The following BCAS3 variants were observed in gnomAD, a reference collection of about 807,000 sequenced individuals.
The protein encoded by BCAS3 is BCAS3 microtubule associated cell migration factor.
BCAS3 carries 53 observed loss-of-function variants against 116.1 expected under a neutral mutation model. The observed-to-expected ratio is 0.46, with a 90% CI of 0.37 to 0.57. The LOEUF (loss-of-function observed/expected upper bound fraction) is 0.57, where lower values mean the gene tolerates loss of function less well. BCAS3 is among the 20% of genes least tolerant of loss of function. The pLI is 0.00. For synonymous variants in BCAS3, 391 were observed against 408.2 expected, an observed-to-expected ratio of 0.96 and a Z score of 0.51; for missense variants, 917 against 1,165.4, an observed-to-expected ratio of 0.79 and a Z score of 3.10.
chr17:60,800,523 C>G (rs563925695), intron 6 of BCAS3, among the ~76,000 whole-genome samples: 1 of 152,156 alleles, frequency 6.6e-6, no homozygotes, highest in South Asian at 2.1e-4. Flanking sequence ...AGTATTTTTT[C>G]AAGTGTGGAT....
At position 61,276,361 on chromosome 17, in the gene BCAS3, A is replaced by G. The variant is rs2050755852; in HGVS notation, c.2426-91966A>G. Among the ~76,000 whole-genome samples the G allele has an allele frequency of 6.6e-6, 1 of 152,104 alleles. No individual in the cohort carries two copies. The highest frequency in any genetic ancestry group is 1.5e-5 in the Non-Finnish European group (1 of 68,024). Reference sequence around the variant, plus strand: ...GGACGAGACTCCATCTCAAAAACAAACAAACAAACAAACAAAAATCACTTG... The same window carrying G: ...GGACGAGACTCCATCTCAAAAACAAGCAAACAAACAAACAAAAATCACTTG... On this transcript the variant is annotated intron_variant, in intron 22 of 23. Coordinates refer to ENST00000407086, the MANE Select transcript of BCAS3 (RefSeq NM_017679.5). The surrounding 1 kb of genome is among the most constrained non-coding windows in gnomAD (Gnocchi z 4.2).
In BCAS3 at chr17:61,032,111, G is replaced by A. The variant is rs773905216; in HGVS notation, c.1638-2555G>A. ...TTTTCTACTTTTTATTATCATGTTAGAAAGTTTGCCATCTGGCCTGGAAGC... is the reference window on the plus strand; with the variant it reads ...TTTTCTACTTTTTATTATCATGTTAAAAAGTTTGCCATCTGGCCTGGAAGC... On this transcript the variant is annotated intron_variant, in intron 16 of 23. Coordinates refer to ENST00000407086, the MANE Select transcript of BCAS3 (RefSeq NM_017679.5). The surrounding 1 kb of genome is among the most constrained non-coding windows in gnomAD (Gnocchi z 4.6). Among the ~76,000 whole-genome samples, 1 of 152,048 alleles carries A rather than the reference G, an allele frequency of 6.6e-6. No homozygotes were observed. The highest frequency in any genetic ancestry group is 1.9e-4 in the East Asian group (1 of 5,200).
intron 11 of BCAS3, among the ~76,000 whole-genome samples, chr17:60,907,150 T>G (rs994531142): frequency 2.0e-5 from 3 of 152,192 alleles, no homozygotes; most frequent in African/African-American, 7.2e-5. Flanking sequence ...TTGCATAATA[T>G]TTATGCTATT....
chr17:61,220,487 C>T lies in BCAS3; in HGVS notation c.2425+135923C>T, dbSNP rs569269454. ...TGATCTTCAGATTCAACAAAGTAGC[C>T]GAATTCTCAACTAATGACTTAAAAC... On this transcript the variant is annotated intron_variant, in intron 22 of 23. Coordinates refer to ENST00000407086, the MANE Select transcript of BCAS3 (RefSeq NM_017679.5). The surrounding 1 kb of genome is among the most constrained non-coding windows in gnomAD (Gnocchi z 4.5). Among the ~76,000 whole-genome samples the T allele has an allele frequency of 1.4e-4, 22 of 152,078 alleles. No homozygotes were observed. Among genetic ancestry groups the T allele is most frequent in the African/African-American group, 4.1e-4 (17 of 41,472 alleles).
rs2065731168 is a variant in BCAS3 at position 61,019,527 on chromosome 17, A to T, written c.1637+3626A>T. 6.6e-6 allele frequency among the ~76,000 whole-genome samples: 1 copy of T among 152,200 alleles called. No individual in the cohort carries two copies. Among genetic ancestry groups the T allele is most frequent in the African/African-American group, 2.4e-5 (1 of 41,454 alleles). On this transcript the variant is annotated intron_variant, in intron 16 of 23. Coordinates refer to ENST00000407086, the MANE Select transcript of BCAS3 (RefSeq NM_017679.5). This position sits in a 1 kb window ranked among gnomAD's most constrained non-coding sequence, Gnocchi z 5.6. ...AAATTTAACATTTTCACTAAAATAC[A>T]TGTATTTTGCCTTGTCAAAAGTAAT...
chr17:60,788,177 A>G (rs2046445832), intron 6 of BCAS3, among the ~76,000 whole-genome samples: 1 of 152,218 alleles, frequency 6.6e-6, no homozygotes, highest in South Asian at 2.1e-4. Flanking sequence ...TACAATTTTC[A>G]GCAGATGAGT....
chr17:61,057,312 A>G (rs899057563), intron 19 of BCAS3, among the ~76,000 whole-genome samples: 4 of 152,102 alleles, frequency 2.6e-5, no homozygotes, highest in Non-Finnish European at 4.4e-5. Context: ...TTGCACCTCT[A>G]TTTGTCCATC....
chr17:61,215,756 T>A lies in BCAS3; in HGVS notation c.2425+131192T>A, dbSNP rs2081745532. Among the ~76,000 whole-genome samples the A allele has an allele frequency of 6.6e-6, 1 of 152,218 alleles. No individual in the cohort carries two copies. Among genetic ancestry groups the A allele is most frequent in the African/African-American group, 2.4e-5 (1 of 41,452 alleles). Reference sequence around the variant, plus strand: ...TCCATTAAATGTGAACACTAACGTCTCTTAGTGCAGTAGTTCTCAACCTTG... The same window carrying A: ...TCCATTAAATGTGAACACTAACGTCACTTAGTGCAGTAGTTCTCAACCTTG... On this transcript the variant is annotated intron_variant, in intron 22 of 23. Transcript: ENST00000407086. The surrounding 1 kb of genome is among the most constrained non-coding windows in gnomAD (Gnocchi z 4.8).
rs1317820627 is a variant in BCAS3 at position 61,215,779 on chromosome 17, T to C, written c.2425+131215T>C. Among the ~76,000 whole-genome samples, 3 of 152,220 alleles carry C rather than the reference T, an allele frequency of 2.0e-5. No individual in the cohort carries two copies. The highest frequency in any genetic ancestry group is 4.4e-5 in the Non-Finnish European group (3 of 68,040). On this transcript the variant is annotated intron_variant, in intron 22 of 23. Coordinates refer to ENST00000407086, the MANE Select transcript of BCAS3 (RefSeq NM_017679.5). This position sits in a 1 kb window ranked among gnomAD's most constrained non-coding sequence, Gnocchi z 4.8. ...TCTCTTAGTGCAGTAGTTCTCAACCTTGACTATATATTAGAATTCCTTGGA... is the reference window on the plus strand; with the variant it reads ...TCTCTTAGTGCAGTAGTTCTCAACCCTGACTATATATTAGAATTCCTTGGA...
chr17:61,069,250 A>T (rs2071056647), intron 19 of BCAS3, among the ~76,000 whole-genome samples: 1 of 152,112 alleles, frequency 6.6e-6, no homozygotes, highest in African/African-American at 2.4e-5. Flanking sequence ...TAATAAAGCT[A>T]CCCAGCCTGG....
chr17:60,753,132 G>GTA (rs1367193950), intron 6 of BCAS3, among the ~76,000 whole-genome samples: 4 of 152,054 alleles, frequency 2.6e-5, no homozygotes, highest in Admixed American at 6.5e-5. Flanking sequence ...GTGACCCATT[G>GTA]TACCCATATG....
intron 22 of BCAS3, among the ~76,000 whole-genome samples, chr17:61,328,721 G>A (rs1302178694): frequency 6.6e-6 from 1 of 152,064 alleles, no homozygotes; most frequent in Non-Finnish European, 1.5e-5. Context: ...AGCCCTGATT[G>A]TGCTGCTGCA....
At chr17:60,688,731 A>G (rs2034417175) in intron 3 of BCAS3, among the ~76,000 whole-genome samples, 1 of 151,300 alleles carries the variant, frequency 6.6e-6, no homozygotes, top group East Asian at 2.0e-4. Flanking sequence ...CAGGAGAATC[A>G]CTTGAACCCG....
rs569704468 is a variant in BCAS3 at position 60,683,771 on chromosome 17, G to A, written c.84-211G>A. ...TGCTTAAGCCCCGGAGGTCGAGGGA[G>A]CAGTGAGCCGAGATCGCACCACTAC... On this transcript the variant is annotated intron_variant, in intron 2 of 23. Coordinates refer to ENST00000407086, the MANE Select transcript of BCAS3 (RefSeq NM_017679.5). 1.4e-4 allele frequency among the ~76,000 whole-genome samples: 21 copies of A among 151,922 alleles called. No individual in the cohort carries two copies. The South Asian group carries it at 1.5e-3, about 11-fold the overall frequency.
In BCAS3 at chr17:61,332,216, G is replaced by A. The variant is rs2056351964; in HGVS notation, c.2426-36111G>A. Among the ~76,000 whole-genome samples the A allele has an allele frequency of 6.6e-6, 1 of 152,188 alleles. No individual in the cohort carries two copies. Among genetic ancestry groups the A allele is most frequent in the Non-Finnish European group, 1.5e-5 (1 of 68,032 alleles). ...CTTCTCTTCTATGTTTCGGGGACAT[G>A]AGAAGAAGGCATTCTTAGAACAGAT... On this transcript the variant is annotated intron_variant, in intron 22 of 23. Transcript: ENST00000407086. The surrounding 1 kb of genome is among the most constrained non-coding windows in gnomAD (Gnocchi z 5.4).
chr17:61,191,088 T>G (rs2080083473), intron 22 of BCAS3, among the ~76,000 whole-genome samples: 1 of 151,342 alleles, frequency 6.6e-6, no homozygotes, highest in Non-Finnish European at 1.5e-5. Context: ...TAATAATAAA[T>G]CAGCCTGGGG....
intron 22 of BCAS3, among the ~76,000 whole-genome samples, chr17:61,237,772 T>A (rs1254213845): frequency 1.3e-5 from 2 of 152,230 alleles, no homozygotes; most frequent in Non-Finnish European, 2.9e-5. Flanking sequence ...AAATCTGGAC[T>A]GACCGTAGAC....
At position 60,993,259 on chromosome 17, in the gene BCAS3, G is replaced by A. The variant is rs1389345458; in HGVS notation, c.1486+3024G>A. 6.6e-6 allele frequency among the ~76,000 whole-genome samples: 1 copy of A among 152,130 alleles called. No homozygotes were observed. The highest frequency in any genetic ancestry group is 2.4e-5 in the African/African-American group (1 of 41,426). The stretch of plus-strand genomic sequence containing the variant: ...AGGTTGCAAAGTGCCAGTCAATGAA[G>A]GATTTCATCATTTGTGAAAGGACAG... On this transcript the variant is annotated intron_variant, in intron 15 of 23. Coordinates refer to ENST00000407086, the MANE Select transcript of BCAS3 (RefSeq NM_017679.5). This position sits in a 1 kb window ranked among gnomAD's most constrained non-coding sequence, Gnocchi z 4.2.
chr17:60,763,457 G>A (rs2043756560), intron 6 of BCAS3, among the ~76,000 whole-genome samples: 2 of 152,166 alleles, frequency 1.3e-5, no homozygotes, highest in South Asian at 2.1e-4. Flanking sequence ...AGATAATCAT[G>A]TGGTTTTTGT....
Sources: allele counts gnomAD v4.1 joint callset (sites outside exome capture counted in the v4.1 genomes callset), GRCh38; gene constraint gnomAD v4.1.1; non-coding constraint Gnocchi (gnomAD v3.1); transcripts MANE v1.5; gene names NCBI Gene and HGNC (gene_info 2026-07-23, HGNC 2026-07-21).